CACNA1H: variants seen among roughly 807,000 people sequenced by gnomAD.
The protein encoded by CACNA1H is voltage-dependent T-type calcium channel subunit alpha-1H.
CACNA1H carries 149 observed loss-of-function variants against 192.5 expected under a neutral mutation model. That is an observed-to-expected ratio of 0.77 (90% CI 0.68 to 0.89). CACNA1H has a LOEUF of 0.89. Ranked by LOEUF, CACNA1H falls within the 40% of genes least tolerant of loss-of-function variation. The pLI is 0.00. For missense variants in CACNA1H, 4,257 were observed against 3,423.5 expected, an observed-to-expected ratio of 1.24 and a Z score of -6.08; for synonymous variants, 2,202 against 1,475.2, an observed-to-expected ratio of 1.49 and a Z score of -11.29.
At chr16:1,166,678 A>G (rs1420880837) in intron 2 of CACNA1H, among the ~76,000 whole-genome samples, 2 of 151,828 alleles carry the variant, frequency 1.3e-5, no homozygotes, top group African/African-American at 2.4e-5. Flanking sequence ...CGTTCCCTGT[A>G]TATGGGATCC....
At chr16:1,215,707 G>A in intron 30 of CACNA1H, 114 bp downstream of exon 30, 2 of 875,336 alleles carry the variant, frequency 2.3e-6, no homozygotes, top group East Asian at 2.6e-5. Context: ...CGGTTGTGTG[G>A]TGGCTGAAGC....
At chr16:1,159,004 C>T (rs1438590045) in intron 2 of CACNA1H, among the ~76,000 whole-genome samples, 4 of 152,234 alleles carry the variant, frequency 2.6e-5, no homozygotes, top group African/African-American at 7.2e-5. Flanking sequence ...TCGCTGGGAT[C>T]GTCCTTGGCA....
intron 2 of CACNA1H, among the ~76,000 whole-genome samples, chr16:1,176,039 A>C (rs1596328413): frequency 6.6e-6 from 1 of 151,484 alleles, no homozygotes; most frequent in South Asian, 2.1e-4. Context: ...GGCGCCTCCC[A>C]CTCCCATCGC....
At chr16:1,184,741 T>G (rs913701881) in intron 2 of CACNA1H, among the ~76,000 whole-genome samples, 2 of 152,232 alleles carry the variant, frequency 1.3e-5, no homozygotes, top group Non-Finnish European at 2.9e-5. Context: ...CCTGCCCATG[T>G]GCCGGGTCTC....
chr16:1,194,948 G>GTGC (rs1966854633), intron 2 of CACNA1H, 24 bp from the exon 3 acceptor site: 3 of 1,568,846 alleles, frequency 1.9e-6, no homozygotes. Context: ...CCGCGCCGGT[G>GTGC]TGCTCCTTAA....
In CACNA1H at chr16:1,153,891, G is replaced by C. The variant is rs948554848; in HGVS notation, c.154G>C (p.Glu52Gln). The change falls in exon 2 of 35, where the codon GAG becomes CAG. Residue 52 changes from glutamate to glutamine, a missense_variant. Transcript: ENST00000348261. ...GTCCGAGCTCGGCGTGTCACCCTCCGAGAGCCCGGCGGCCGAGCGCGGCGC... is the reference window on the plus strand; with the variant it reads ...GTCCGAGCTCGGCGTGTCACCCTCCCAGAGCCCGGCGGCCGAGCGCGGCGC... ...RGSELGVSPS[E>Q]SPAAERGAEL... The C allele has an allele frequency of 6.9e-7, 1 of 1,444,732 alleles. No homozygotes were observed. Among genetic ancestry groups the C allele is most frequent in the Non-Finnish European group, 9.1e-7 (1 of 1,098,778 alleles). 89.5% of individuals were successfully genotyped at this position (1,444,732 alleles called of 1,614,324 possible).
At chr16:1,199,819 C>A (rs962499977) in intron 6 of CACNA1H, among the ~76,000 whole-genome samples, 3 of 151,982 alleles carry the variant, frequency 2.0e-5, no homozygotes, top group African/African-American at 4.8e-5. Context: ...TCCTTTCCCT[C>A]ACCCCAGGCT....
At chr16:1,161,869 G>C (rs1034593501) in intron 2 of CACNA1H, among the ~76,000 whole-genome samples, 3 of 147,032 alleles carry the variant, frequency 2.0e-5, no homozygotes, top group African/African-American at 8.2e-5. Context: ...TGTGGGGTGG[G>C]TCCGTGGGGT....
chr16:1,199,493 C>T lies in CACNA1H; in HGVS notation c.803+719C>T, dbSNP rs1475404028. 5.0e-5 allele frequency among the ~76,000 whole-genome samples: 6 copies of T among 119,872 alleles called. 1 individual carries two copies. Among genetic ancestry groups the T allele is most frequent in the Admixed American group, 3.1e-4 (4 of 12,924 alleles). The allele number at this position is 119,872 out of a possible 152,430, so 78.6% of individuals were successfully genotyped here. On this transcript the variant is annotated intron_variant, in intron 6 of 34. Transcript: ENST00000348261. ...ATCATGGCTCCACCCACCGTGCGGT[C>T]ATTGCACATATGTCCCACCCCCAGT...
chr16:1,200,360 C>G lies in CACNA1H; in HGVS notation c.908C>G (p.Ser303Trp), dbSNP rs867008505. Reference protein sequence around the residue: ...SRRDNGMQKCSHIPGRRELRM... With the variant: ...SRRDNGMQKCWHIPGRRELRM... ...CGAGACAACGGCATGCAGAAGTGCT[C>G]GCACATCCCCGGCCGCCGCGAGCTG... Residue 303 changes from serine (S) to tryptophan (W), a missense_variant, in exon 7 of 35, where the codon TCG becomes TGG. By Grantham distance (177) the Ser-to-Trp change is radical. Coordinates refer to ENST00000348261, the MANE Select transcript of CACNA1H (RefSeq NM_021098.3). 6.3e-7 allele frequency: 1 copy of G among 1,599,042 alleles called. No individual in the cohort carries two copies. The highest frequency in any genetic ancestry group is 1.7e-5 in the Admixed American group (1 of 58,254).
Position 1,216,982 on chromosome 16 carries a change from G to A in CACNA1H, c.5295G>A (p.Ala1765=), listed in dbSNP as rs529851125. ...TGCTCCTGTTTTTTATCTATGCTGC[G>A]CTGGGAGTGGAGCTGTTCGGGAGGC... The part of the protein sequence containing the change: ...LFMLLFFIYA[A]LGVELFGRLE... Residue 1765 remains alanine (A), a synonymous_variant, in exon 31 of 35, where the codon GCG becomes GCA. Transcript: ENST00000348261. The A allele has an allele frequency of 2.4e-4, 377 of 1,600,728 alleles. 3 individuals are homozygous for A. In the South Asian group the frequency reaches 3.4e-3, roughly 15 times the overall value.
intron 2 of CACNA1H, among the ~76,000 whole-genome samples, chr16:1,184,550 C>T (rs1965792980): frequency 6.6e-6 from 1 of 152,270 alleles, no homozygotes; most frequent in African/African-American, 2.4e-5. Context: ...CCGCATCAGC[C>T]TCCAGGCATC....
At chr16:1,181,164 C>A (rs183037344) in intron 2 of CACNA1H, among the ~76,000 whole-genome samples, 4 of 152,370 alleles carry the variant, frequency 2.6e-5, no homozygotes, top group African/African-American at 9.6e-5. Context: ...AAGGTCCCCT[C>A]CTGGCTGGGT....
chr16:1,219,851 C>T (rs777580195), intron 34 of CACNA1H, 130 bp from the exon 35 acceptor site: 6 of 611,694 alleles, frequency 9.8e-6, no homozygotes, highest in Non-Finnish European at 9.8e-6. Context: ...TCTCGAGGGT[C>T]AGGAGCCACC....
intron 2 of CACNA1H, among the ~76,000 whole-genome samples, chr16:1,179,361 C>T (rs1965233188): frequency 6.6e-6 from 1 of 151,984 alleles, no homozygotes; most frequent in African/African-American, 2.4e-5. Flanking sequence ...GGATTGGGGG[C>T]CCCCCCATGG....
chr16:1,179,817 C>T (rs953195113), intron 2 of CACNA1H, among the ~76,000 whole-genome samples: 1 of 144,922 alleles, frequency 6.9e-6, no homozygotes, highest in Non-Finnish European at 1.5e-5. Flanking sequence ...TCACTGCAAC[C>T]TCTGCCTCAC....
At position 1,179,668 on chromosome 16, in the gene CACNA1H, A is replaced by G. The variant is rs533790320; in HGVS notation, c.300-15304A>G. Among the ~76,000 whole-genome samples, 44 of 148,730 alleles carry G rather than the reference A, an allele frequency of 3.0e-4. No homozygotes were observed. The South Asian group carries it at 8.1e-3, about 28-fold the overall frequency. ...GGTCTTGAACTCCTGACCTCAAGTG[A>G]TCCACCCGCCTCAGCCTCCCAAAGT... On this transcript the variant is annotated intron_variant, in intron 2 of 34. Transcript: ENST00000348261.
chr16:1,185,415 C>G lies in CACNA1H; in HGVS notation c.300-9557C>G, dbSNP rs533740951. 1.2e-3 allele frequency among the ~76,000 whole-genome samples: 180 copies of G among 151,722 alleles called. 1 individual carries two copies. The highest frequency in any genetic ancestry group is 4.2e-3 in the African/African-American group (171 of 41,194). ...CCGGTTATCCGGAGCTTAGACGTGC[C>G]CGGGTGGCAGCTGGACTCCTGGACG... On this transcript the variant is annotated intron_variant, in intron 2 of 34. Transcript: ENST00000348261.
chr16:1,201,782 C>T lies in CACNA1H; in HGVS notation c.1332C>T (p.Asp444=), dbSNP rs746803902. 6.2e-7 allele frequency: 1 copy of T among 1,601,942 alleles called. No individual in the cohort carries two copies. ...AGCGGGCACGCCACCTGTCCAACGA[C>T]AGCACGCTGGCCAGCTTCTCCGAGC... is the stretch of plus-strand genomic sequence containing the variant. ...REQRARHLSN[D]STLASFSEPG... The change falls in exon 9 of 35, where the codon GAC becomes GAT. Residue 444 remains aspartate, a synonymous_variant. Coordinates refer to ENST00000348261, the MANE Select transcript of CACNA1H (RefSeq NM_021098.3).
Sources: gnomAD v4.1 joint callset for allele counts (sites outside exome capture counted in the v4.1 genomes callset) on GRCh38, gnomAD v4.1.1 for gene constraint, MANE v1.5 for transcripts, NCBI Gene and HGNC (gene_info 2026-07-23, HGNC 2026-07-21) for gene names.